The following NSMCE2 variants were observed in gnomAD, a reference collection of about 807,000 sequenced individuals.
The protein encoded by NSMCE2 is E3 SUMO-protein ligase NSE2.
NSMCE2 carries 24 observed loss-of-function variants against 23.8 expected under a neutral mutation model. That is an observed-to-expected ratio of 1.01 (90% CI 0.73 to 1.42). NSMCE2 has a LOEUF of 1.42. NSMCE2 is among the 40% of genes most tolerant of loss of function. The pLI is 0.00. For missense variants in NSMCE2, 284 were observed against 296.5 expected, an observed-to-expected ratio of 0.96 and a Z score of 0.31; for synonymous variants, 92 against 94.1, an observed-to-expected ratio of 0.98 and a Z score of 0.13.
chr8:125,129,498 A>C (rs1191227677), intron 3 of NSMCE2, among the ~76,000 whole-genome samples: 1 of 151,758 alleles, frequency 6.6e-6, no homozygotes, highest in Non-Finnish European at 1.5e-5. Flanking sequence ...ACCCAGGTCC[A>C]TTAAATCTTT....
In NSMCE2 at chr8:125,310,439, C is replaced by T. The variant is rs139507227; in HGVS notation, c.419-46780C>T. Among the ~76,000 whole-genome samples, 93 of 152,170 alleles carry T rather than the reference C, an allele frequency of 6.1e-4. 1 individual carries two copies. Among genetic ancestry groups the T allele is most frequent in the African/African-American group, 2.1e-3 (86 of 41,496 alleles). ...GAGTACCTACCATATGATGAGTGCC[C>T]AATCAATTGTAGCTATTGCAATTAT... On this transcript the variant is annotated intron_variant, in intron 5 of 7. Coordinates refer to ENST00000287437, the MANE Select transcript of NSMCE2 (RefSeq NM_173685.4).
chr8:125,309,723 C>T (rs1432561897), intron 5 of NSMCE2, among the ~76,000 whole-genome samples: 1 of 144,870 alleles, frequency 6.9e-6, no homozygotes, highest in African/African-American at 2.5e-5. Context: ...GACCCAGTCT[C>T]AAAAAAAAAA....
chr8:125,127,823 A>G (rs1819584908), intron 3 of NSMCE2, among the ~76,000 whole-genome samples: 1 of 152,180 alleles, frequency 6.6e-6, no homozygotes, highest in Non-Finnish European at 1.5e-5. Context: ...TACCTTGGGG[A>G]TGGGATCCAA....
chr8:125,160,127 G>A (rs1821530589), intron 4 of NSMCE2, among the ~76,000 whole-genome samples: 1 of 152,172 alleles, frequency 6.6e-6, no homozygotes, highest in South Asian at 2.1e-4. Context: ...TAAGGGAAAA[G>A]AGTCTTTGCT....
At chr8:125,334,138 C>A (rs1278129143) in intron 5 of NSMCE2, among the ~76,000 whole-genome samples, 1 of 152,138 alleles carries the variant, frequency 6.6e-6, no homozygotes, top group African/African-American at 2.4e-5. Context: ...AAAGGGTGTT[C>A]AGTTCACTTT....
At chr8:125,175,417 G>T (rs573749137) in intron 4 of NSMCE2, among the ~76,000 whole-genome samples, 1 of 152,274 alleles carries the variant, frequency 6.6e-6, no homozygotes, top group South Asian at 2.1e-4. Context: ...TAGAGTACTA[G>T]TACTAAGCAG....
At chr8:125,298,600 GGC>G (rs1462809240) in intron 5 of NSMCE2, among the ~76,000 whole-genome samples, 2 of 152,038 alleles carry the variant, frequency 1.3e-5, no homozygotes, top group East Asian at 3.9e-4. Context: ...TGTAAAAACA[GGC>G]AGAGTTGTTA....
At chr8:125,237,278 G>A (rs1825595664) in intron 5 of NSMCE2, among the ~76,000 whole-genome samples, 2 of 152,172 alleles carry the variant, frequency 1.3e-5, no homozygotes, top group African/African-American at 4.8e-5. Context: ...ACTCTTTGGG[G>A]AGTAAGGTTT....
chr8:125,357,959 G>A (rs1243110927), intron 7 of NSMCE2, 141 bp downstream of exon 7: 5 of 639,654 alleles, frequency 7.8e-6, no homozygotes, highest in East Asian at 2.7e-5. Context: ...ATGGAAGTGG[G>A]CTTTCTGGAA....
At chr8:125,144,216 A>G (rs138947797) in intron 3 of NSMCE2, among the ~76,000 whole-genome samples, 2 of 152,284 alleles carry the variant, frequency 1.3e-5, no homozygotes, top group African/African-American at 4.8e-5. Context: ...TCTCCAGTGC[A>G]TGCCTTAGGC....
chr8:125,155,719 A>G (rs1821271785), intron 4 of NSMCE2, among the ~76,000 whole-genome samples: 1 of 152,214 alleles, frequency 6.6e-6, no homozygotes, highest in Non-Finnish European at 1.5e-5. Context: ...AACTAAACCT[A>G]TAGTTCCAAA....
intron 1 of NSMCE2, among the ~76,000 whole-genome samples, chr8:125,092,367 C>T (rs1021936124): frequency 1.3e-5 from 2 of 152,136 alleles, no homozygotes; most frequent in Non-Finnish European, 2.9e-5. Context: ...ATGATGATGT[C>T]TGTTGTTATT....
At chr8:125,210,167 A>G (rs1437962966) in intron 5 of NSMCE2, among the ~76,000 whole-genome samples, 3 of 152,206 alleles carry the variant, frequency 2.0e-5, no homozygotes, top group African/African-American at 7.2e-5. Flanking sequence ...AAATGACATA[A>G]TAATAGTTTA....
intron 5 of NSMCE2, among the ~76,000 whole-genome samples, chr8:125,217,242 A>G (rs1161379677): frequency 6.6e-6 from 1 of 152,218 alleles, no homozygotes; most frequent in Non-Finnish European, 1.5e-5. Flanking sequence ...TTCTCAGAAT[A>G]TTGAAAATAG....
chr8:125,163,850 G>T (rs1586545931), intron 4 of NSMCE2, among the ~76,000 whole-genome samples: 2 of 152,194 alleles, frequency 1.3e-5, no homozygotes, highest in African/African-American at 4.8e-5. Flanking sequence ...GTCAGTGGTT[G>T]TGTTTCTGGC....
chr8:125,356,096 A>G (rs950252295), intron 5 of NSMCE2, among the ~76,000 whole-genome samples: 8 of 152,160 alleles, frequency 5.3e-5, no homozygotes, highest in African/African-American at 1.7e-4. Flanking sequence ...CCCAGAGACT[A>G]CAGGATATGT....
chr8:125,120,130 T>G (rs1167347318), intron 3 of NSMCE2, among the ~76,000 whole-genome samples: 2 of 152,218 alleles, frequency 1.3e-5, no homozygotes, highest in Non-Finnish European at 2.9e-5. Context: ...ATTAGAATCT[T>G]ACAGTACATG....
intron 5 of NSMCE2, among the ~76,000 whole-genome samples, chr8:125,292,337 T>G (rs555853263): frequency 4.0e-5 from 6 of 151,884 alleles, no homozygotes; most frequent in African/African-American, 1.5e-4. Context: ...GGTGGATCAC[T>G]TGAGGTCAGG....
At chr8:125,340,684 A>G (rs532982747) in intron 5 of NSMCE2, among the ~76,000 whole-genome samples, 166 of 152,380 alleles carry the variant, frequency 1.1e-3, no homozygotes, top group African/African-American at 3.7e-3. Flanking sequence ...TGTGTCATCA[A>G]GTAACCTAAT....
Sources: allele counts gnomAD v4.1 joint callset (sites outside exome capture counted in the v4.1 genomes callset), GRCh38; gene constraint gnomAD v4.1.1; transcripts MANE v1.5; gene names NCBI Gene and HGNC (gene_info 2026-07-23, HGNC 2026-07-21).